The following PRDM6 variants were observed in gnomAD, a reference collection of about 807,000 sequenced individuals.
The protein encoded by PRDM6 is putative histone-lysine N-methyltransferase PRDM6.
In PRDM6, 25 loss-of-function variants were observed where a neutral mutation model predicts 60.8. That is an observed-to-expected ratio of 0.41 (90% CI 0.30 to 0.57). PRDM6 has a LOEUF of 0.57. PRDM6 is among the 20% of genes least tolerant of loss of function. The pLI, the probability that PRDM6 is intolerant of heterozygous loss-of-function variation, is 0.27. For missense variants in PRDM6, 839 were observed against 821.3 expected (o/e 1.02, Z -0.26); for synonymous variants, 407 against 357.4 (o/e 1.14, Z -1.57).
In PRDM6 at chr5:123,099,646, T is replaced by C; in HGVS notation, c.593-8T>C. ...CTCCCTTCCCTTCCTCCTTCTTGTC[T>C]CCCGCAGGTTGCGACATGTGCGCGG... On this transcript the variant is annotated splice_region_variant and splice_polypyrimidine_tract_variant and intron_variant, in intron 2 of 7. Coordinates refer to ENST00000407847, the MANE Select transcript of PRDM6 (RefSeq NM_001136239.4). The surrounding 1 kb of genome is among the most constrained non-coding windows in gnomAD (Gnocchi z 4.0). The C allele has an allele frequency of 4.1e-6, 6 of 1,448,454 alleles. No homozygotes were observed. The highest frequency in any genetic ancestry group is 5.5e-6 in the Non-Finnish European group (6 of 1,096,992). 89.7% of individuals were successfully genotyped at this position (1,448,454 alleles called of 1,614,324 possible).
Position 123,191,881 on chromosome 5 carries a change from C to T in PRDM6, c.*4680C>T, listed in dbSNP as rs1414845114. 1 of 152,158 alleles carries T rather than the reference C, an allele frequency of 6.6e-6. No individual in the cohort carries two copies. The highest frequency in any genetic ancestry group is 2.1e-4 in the South Asian group (1 of 4,828). The allele number at this position is 152,158 out of a possible 1,614,324, so 9.4% of individuals were successfully genotyped here. The stretch of plus-strand genomic sequence containing the variant: ...AAGAATATTGCTTTATCTGTGGAAA[C>T]CTTGCCACAGATGTTTAACCTGTAG... On this transcript the variant is annotated 3_prime_UTR_variant, in exon 8 of 8. Coordinates refer to ENST00000407847, the MANE Select transcript of PRDM6 (RefSeq NM_001136239.4).
chr5:123,095,298 C>A (rs1225015639), intron 2 of PRDM6, among the ~76,000 whole-genome samples: 1 of 152,234 alleles, frequency 6.6e-6, no homozygotes, highest in Admixed American at 6.5e-5. Flanking sequence ...CGGGGTGGGA[C>A]CTTCAAAACT....
chr5:123,119,766 T>C (rs553662351), intron 3 of PRDM6, among the ~76,000 whole-genome samples: 6 of 152,320 alleles, frequency 3.9e-5, no homozygotes, highest in Admixed American at 2.6e-4. Context: ...TCTCAGATGA[T>C]TCAGCCATTT....
chr5:123,150,155 T>A (rs1765342091), intron 3 of PRDM6, among the ~76,000 whole-genome samples: 1 of 152,198 alleles, frequency 6.6e-6, no homozygotes, highest in Admixed American at 6.6e-5. Flanking sequence ...TTGGTTTTTA[T>A]ATCAGCTCTT....
rs879596896 is a variant in PRDM6, at chr5:123,125,158, C to CGCCGG, written c.900+25197_900+25198insGCCGG. ...ATTACATACCGCACCCCCTCCCCCC[C>CGCCGG]ACCCGCCGGCCCCGCCACACACACA... On this transcript the variant is annotated intron_variant, in intron 3 of 7. Transcript: ENST00000407847. Among the ~76,000 whole-genome samples the CGCCGG allele has an allele frequency of 0.011, 71 of 6,666 alleles. 1 individual carries two copies. In the South Asian group the frequency reaches 0.16, roughly 15 times the overall value. 4.4% of individuals were successfully genotyped at this position (6,666 alleles called of 152,430 possible).
chr5:123,114,709 G>A (rs1387889645), intron 3 of PRDM6, among the ~76,000 whole-genome samples: 1 of 152,252 alleles, frequency 6.6e-6, no homozygotes, highest in African/African-American at 2.4e-5. Flanking sequence ...AATGACTCTT[G>A]TGACTGGGGA....
chr5:123,171,522 A>C (rs1765889940), intron 6 of PRDM6, among the ~76,000 whole-genome samples: 1 of 152,220 alleles, frequency 6.6e-6, no homozygotes, highest in South Asian at 2.1e-4. Context: ...TTAATTAAGT[A>C]CTAAGAGGTA....
At chr5:123,119,461 A>T (rs1764531699) in intron 3 of PRDM6, among the ~76,000 whole-genome samples, 1 of 152,152 alleles carries the variant, frequency 6.6e-6, no homozygotes, top group Non-Finnish European at 1.5e-5. Context: ...CAGTCCTGCC[A>T]CCTTCAGGGC....
At chr5:123,183,881 C>T (rs1766222597) in intron 7 of PRDM6, among the ~76,000 whole-genome samples, 1 of 152,076 alleles carries the variant, frequency 6.6e-6, no homozygotes, top group South Asian at 2.1e-4. Context: ...GTGTGAGCTG[C>T]CCGAAGCCTG....
chr5:123,185,985 G>T (rs1224514399), intron 7 of PRDM6, among the ~76,000 whole-genome samples: 1 of 152,200 alleles, frequency 6.6e-6, no homozygotes, highest in African/African-American at 2.4e-5. Flanking sequence ...TGGGACAATT[G>T]TCTGTAGCTC....
In PRDM6 at chr5:123,099,637, C is replaced by T. The variant is rs1038226255; in HGVS notation, c.593-17C>T. 5 of 1,445,226 alleles carry T rather than the reference C, an allele frequency of 3.5e-6. No individual in the cohort carries two copies. The highest frequency in any genetic ancestry group is 1.5e-5 in the African/African-American group (1 of 68,726). The allele number at this position is 1,445,226 out of a possible 1,614,324, so 89.5% of individuals were successfully genotyped here. A position where few individuals can be genotyped will look rare whatever the true frequency, so the allele number is the denominator to read the frequency against. On this transcript the variant is annotated splice_polypyrimidine_tract_variant and intron_variant, in intron 2 of 7. Coordinates refer to ENST00000407847, the MANE Select transcript of PRDM6 (RefSeq NM_001136239.4). This position sits in a 1 kb window ranked among gnomAD's most constrained non-coding sequence, Gnocchi z 4.0. Reference sequence around the variant, plus strand: ...ATTAACCCGCTCCCTTCCCTTCCTCCTTCTTGTCTCCCGCAGGTTGCGACA... The same window carrying T: ...ATTAACCCGCTCCCTTCCCTTCCTCTTTCTTGTCTCCCGCAGGTTGCGACA...
chr5:123,099,542 C>A lies in PRDM6; in HGVS notation c.593-112C>A. The A allele has an allele frequency of 2.0e-6, 2 of 1,021,754 alleles. No homozygotes were observed. Among genetic ancestry groups the A allele is most frequent in the Non-Finnish European group, 2.7e-6 (2 of 736,360 alleles). 63.3% of individuals were successfully genotyped at this position (1,021,754 alleles called of 1,614,324 possible). A position where few individuals can be genotyped will look rare whatever the true frequency, so the allele number is the denominator to read the frequency against. On this transcript the variant is annotated intron_variant, in intron 2 of 7. Coordinates refer to ENST00000407847, the MANE Select transcript of PRDM6 (RefSeq NM_001136239.4). This position sits in a 1 kb window ranked among gnomAD's most constrained non-coding sequence, Gnocchi z 4.0. ...AAGGCATCACCTTCCTCGAAGGTGG[C>A]TTACCCAGGCGGGCGGTGATGCTGT...
intron 3 of PRDM6, among the ~76,000 whole-genome samples, chr5:123,150,247 C>T (rs1033331599): frequency 6.6e-5 from 10 of 152,022 alleles, no homozygotes; most frequent in African/African-American, 2.2e-4. Context: ...AAATAACTGA[C>T]CAAAATCACG....
intron 6 of PRDM6, among the ~76,000 whole-genome samples, chr5:123,177,738 A>G (rs988153475): frequency 6.6e-6 from 1 of 152,198 alleles, no homozygotes; most frequent in South Asian, 2.1e-4. Flanking sequence ...TTCCTGGGTC[A>G]TGCACATTTG....
intron 3 of PRDM6, among the ~76,000 whole-genome samples, chr5:123,100,959 TA>T (rs1764089701): frequency 6.6e-6 from 1 of 152,186 alleles, no homozygotes; most frequent in Admixed American, 6.5e-5. Context: ...AGTGGTATAA[TA>T]AAGTAGGAAT....
rs1763792012 is a variant in PRDM6, at chr5:123,090,277, C to T, written c.263C>T (p.Thr88Ile). 1 of 1,405,796 alleles carries T rather than the reference C, an allele frequency of 7.1e-7. No homozygotes were observed. The highest frequency in any genetic ancestry group is 1.3e-5 in the South Asian group (1 of 77,464). 87.1% of individuals were successfully genotyped at this position (1,405,796 alleles called of 1,614,324 possible). A position where few individuals can be genotyped will look rare whatever the true frequency, so the allele number is the denominator to read the frequency against. ...SASSTPASSS[T>I]SASSASSCAA... is the part of the protein sequence containing the mutation. ...TCGTCCACGCCGGCTTCCTCTTCCA[C>T]CTCCGCCTCCTCCGCCTCCTCCTGC... The change falls in exon 2 of 8, where the codon ACC becomes ATC. Residue 88 changes from threonine (T) to isoleucine (I), a missense_variant. Coordinates refer to ENST00000407847, the MANE Select transcript of PRDM6 (RefSeq NM_001136239.4).
intron 3 of PRDM6, among the ~76,000 whole-genome samples, chr5:123,141,970 G>T (rs1436668942): frequency 6.6e-6 from 1 of 152,084 alleles, no homozygotes; most frequent in Admixed American, 6.5e-5. Context: ...TAAATGCACA[G>T]CTTAAACATT....
chr5:123,110,114 G>A (rs934066800), intron 3 of PRDM6, among the ~76,000 whole-genome samples: 4 of 152,142 alleles, frequency 2.6e-5, no homozygotes, highest in Non-Finnish European at 4.4e-5. Context: ...ATATGTCACT[G>A]TTGACCCTGT....
chr5:123,094,810 T>G (rs975927972), intron 2 of PRDM6, among the ~76,000 whole-genome samples: 3 of 152,138 alleles, frequency 2.0e-5, no homozygotes, highest in Admixed American at 6.5e-5. Flanking sequence ...GAGGTTTATC[T>G]CTGCGCAATA....
Sources: gnomAD v4.1 joint callset for allele counts (sites outside exome capture counted in the v4.1 genomes callset) on GRCh38, gnomAD v4.1.1 for gene constraint, Gnocchi (gnomAD v3.1) non-coding constraint, MANE v1.5 for transcripts, NCBI Gene and HGNC (gene_info 2026-07-23, HGNC 2026-07-21) for gene names.